Variants in TMEM178A observed in about 807,000 individuals in gnomAD.
The protein encoded by TMEM178A is transmembrane protein 178A.
In TMEM178A, 12 loss-of-function variants were observed where a neutral mutation model predicts 29.1. The ratio of observed to expected loss-of-function variants is 0.41; its 90% confidence interval spans 0.26 to 0.67. The LOEUF (loss-of-function observed/expected upper bound fraction) is 0.67, where lower values mean the gene tolerates loss of function less well. TMEM178A is among the 30% of genes least tolerant of loss of function. The pLI, the probability that TMEM178A is intolerant of heterozygous loss-of-function variation, is 0.29. For missense variants in TMEM178A, 366 were observed against 419.1 expected, an observed-to-expected ratio of 0.87 and a Z score of 1.11; for synonymous variants, 210 against 187.2, an observed-to-expected ratio of 1.12 and a Z score of -0.99.
chr2:39,702,517 G>T (rs1197991859), intron 1 of TMEM178A, among the ~76,000 whole-genome samples: 1 of 151,878 alleles, frequency 6.6e-6, no homozygotes, highest in African/African-American at 2.4e-5. Flanking sequence ...CTACATTTGT[G>T]GTCCTTTATC....
intron 3 of TMEM178A, among the ~76,000 whole-genome samples, chr2:39,715,135 G>A (rs1672482986): frequency 6.6e-6 from 1 of 152,178 alleles, no homozygotes; most frequent in Non-Finnish European, 1.5e-5. Flanking sequence ...GACATGAAAG[G>A]ATGCTTAAAA....
intron 1 of TMEM178A, among the ~76,000 whole-genome samples, chr2:39,671,428 C>T (rs1053090223): frequency 6.6e-6 from 1 of 152,118 alleles, no homozygotes; most frequent in African/African-American, 2.4e-5. Context: ...AAACCAGCAC[C>T]GTCTCTCCTT....
Position 39,717,444 on chromosome 2 carries a change from T to A in TMEM178A, c.*193T>A, listed in dbSNP as rs2148122055. The A allele has an allele frequency of 1.4e-6, 1 of 699,132 alleles. No individual in the cohort carries two copies. The highest frequency in any genetic ancestry group is 2.9e-5 in the East Asian group (1 of 35,072). 43.3% of individuals were successfully genotyped at this position (699,132 alleles called of 1,614,324 possible). ...AAGACTACTGTGGATTCAAGTGCTT[T>A]AATGACTATTTATGCGTTGACTGTG... is the stretch of plus-strand genomic sequence containing the variant. On this transcript the variant is annotated 3_prime_UTR_variant, in exon 4 of 4. Transcript: ENST00000281961.
chr2:39,672,527 T>C (rs1670447726), intron 1 of TMEM178A, among the ~76,000 whole-genome samples: 1 of 151,752 alleles, frequency 6.6e-6, no homozygotes, highest in Admixed American at 6.6e-5. Context: ...ACGGTTCTTT[T>C]TTCATTTTTT....
the TMEM178A span, among the ~76,000 whole-genome samples, chr2:39,727,407 G>C: frequency 1.3e-5 from 2 of 152,144 alleles, no homozygotes; most frequent in African/African-American, 4.8e-5. Context: ...AAACTCACCT[G>C]GATTTCTTAA....
At chr2:39,727,595 C>A in the TMEM178A span, among the ~76,000 whole-genome samples, 1 of 152,100 alleles carries the variant, frequency 6.6e-6, no homozygotes, top group African/African-American at 2.4e-5. Flanking sequence ...ACTTTAAGTT[C>A]TAGGGTACAT....
chr2:39,678,463 T>A (rs1017799152), intron 1 of TMEM178A, among the ~76,000 whole-genome samples: 2 of 152,116 alleles, frequency 1.3e-5, no homozygotes, highest in Admixed American at 6.5e-5. Flanking sequence ...CTATGCTCGG[T>A]GAAAGAAGTC....
At chr2:39,693,842 A>G (rs923792596) in intron 1 of TMEM178A, among the ~76,000 whole-genome samples, 5 of 152,200 alleles carry the variant, frequency 3.3e-5, no homozygotes, top group Non-Finnish European at 7.3e-5. Flanking sequence ...TAATAAGTAC[A>G]TTAAAGGAGA....
chr2:39,666,806 T>G (rs1040165903), intron 1 of TMEM178A, among the ~76,000 whole-genome samples: 2 of 152,184 alleles, frequency 1.3e-5, no homozygotes, highest in Non-Finnish European at 2.9e-5. Context: ...TTCCTTCAAG[T>G]TGTGCTCCTT....
At chr2:39,696,818 T>C (rs921158109) in intron 1 of TMEM178A, among the ~76,000 whole-genome samples, 6 of 152,226 alleles carry the variant, frequency 3.9e-5, no homozygotes, top group African/African-American at 1.2e-4. Flanking sequence ...AACATACTTA[T>C]GTATCTTATT....
chr2:39,695,677 G>C (rs1222580064), intron 1 of TMEM178A, among the ~76,000 whole-genome samples: 1 of 151,944 alleles, frequency 6.6e-6, no homozygotes, highest in Non-Finnish European at 1.5e-5. Flanking sequence ...GTAAGTGTAA[G>C]TGAAGTTGGA....
At chr2:39,685,145 C>A (rs1413894745) in intron 1 of TMEM178A, among the ~76,000 whole-genome samples, 2 of 152,144 alleles carry the variant, frequency 1.3e-5, no homozygotes. Context: ...CAATAGAGAG[C>A]AAGTCTCAGC....
chr2:39,678,848 G>A (rs913621570), intron 1 of TMEM178A, among the ~76,000 whole-genome samples: 6 of 152,116 alleles, frequency 3.9e-5, no homozygotes, highest in African/African-American at 1.4e-4. Context: ...AGTCACATAA[G>A]ACCATTTTCT....
Position 39,709,102 on chromosome 2 carries a change from G to A in TMEM178A, c.652+1916G>A, listed in dbSNP as rs753403519. ...TAATGGGTCACTTAATTAAGCCTGC[G>A]TTAACAGGAGGCAGCCACACCCCAC... is the stretch of plus-strand genomic sequence containing the variant. On this transcript the variant is annotated intron_variant, in intron 3 of 3. Transcript: ENST00000281961. 3.3e-4 allele frequency among the ~76,000 whole-genome samples: 50 copies of A among 152,188 alleles called. 1 individual carries two copies. The highest frequency in any genetic ancestry group is 1.1e-3 in the African/African-American group (45 of 41,440).
rs114500476 is a variant in TMEM178A, at chr2:39,684,203, T to C, written c.400+17829T>C. 1.4e-3 allele frequency among the ~76,000 whole-genome samples: 209 copies of C among 152,348 alleles called. 1 individual carries two copies. Among genetic ancestry groups the C allele is most frequent in the African/African-American group, 4.9e-3 (202 of 41,568 alleles). ...TGGTTTAAGATTTAGGGTTGCTAAA[T>C]ATCAGGTGCTATCAAAATGTAAATT... On this transcript the variant is annotated intron_variant, in intron 1 of 3. Transcript: ENST00000281961.
chr2:39,687,747 T>C (rs987248832), intron 1 of TMEM178A, among the ~76,000 whole-genome samples: 3 of 152,206 alleles, frequency 2.0e-5, no homozygotes, highest in African/African-American at 7.2e-5. Context: ...AATGTACAGA[T>C]TGATATGATA....
intron 1 of TMEM178A, among the ~76,000 whole-genome samples, chr2:39,672,658 G>A (rs1195231973): frequency 6.6e-6 from 1 of 152,042 alleles, no homozygotes; most frequent in Non-Finnish European, 1.5e-5. Context: ...AGCCTCCCAA[G>A]TAGCTGGGAC....
chr2:39,681,451 G>A (rs1670866931), intron 1 of TMEM178A, among the ~76,000 whole-genome samples: 1 of 152,180 alleles, frequency 6.6e-6, no homozygotes, highest in Non-Finnish European at 1.5e-5. Context: ...ATTAAGAGGA[G>A]AAAAATGAAA....
At chr2:39,698,632 T>G (rs1671652657) in intron 1 of TMEM178A, among the ~76,000 whole-genome samples, 1 of 152,148 alleles carries the variant, frequency 6.6e-6, no homozygotes, top group Non-Finnish European at 1.5e-5. Flanking sequence ...TTGTGGTGTC[T>G]TTGGTTTTTC....
Sources: allele counts gnomAD v4.1 joint callset (sites outside exome capture counted in the v4.1 genomes callset), GRCh38; gene constraint gnomAD v4.1.1; transcripts MANE v1.5; gene names NCBI Gene and HGNC (gene_info 2026-07-23, HGNC 2026-07-21).